Variants in NSD2 observed in about 807,000 individuals in gnomAD.
NSD2 encodes nuclear receptor binding SET domain protein 2.
NSD2 carries 12 observed loss-of-function variants against 139.0 expected under a neutral mutation model. That is an observed-to-expected ratio of 0.09 (90% CI 0.06 to 0.14). The LOEUF (loss-of-function observed/expected upper bound fraction) is 0.14, where lower values mean the gene tolerates loss of function less well. Among genes scored for constraint, NSD2 ranks in the 10% least tolerant of loss-of-function variants. The pLI is 1.00. For missense variants in NSD2, 1,155 were observed against 1,745.0 expected (o/e 0.66, Z 6.02); for synonymous variants, 669 against 648.7 (o/e 1.03, Z -0.48).
At position 1,978,936 on chromosome 4, in the gene NSD2, A is replaced by C; in HGVS notation, c.*27A>C. ...GCCAGGCGGCCGCTTGGCCGGATCCAGGGGCGGTGCAGGGCGGCCGGCCCT... is the reference window on the plus strand; with the variant it reads ...GCCAGGCGGCCGCTTGGCCGGATCCCGGGGCGGTGCAGGGCGGCCGGCCCT... On this transcript the variant is annotated 3_prime_UTR_variant, in exon 22 of 22. Coordinates refer to ENST00000508803, the MANE Select transcript of NSD2 (RefSeq NM_001042424.3). 6.8e-7 allele frequency: 1 copy of C among 1,474,002 alleles called. No homozygotes were observed. Among genetic ancestry groups the C allele is most frequent in the South Asian group, 1.4e-5 (1 of 71,796 alleles). 91.3% of individuals were successfully genotyped at this position (1,474,002 alleles called of 1,614,324 possible). A position where few individuals can be genotyped will look rare whatever the true frequency, so the allele number is the denominator to read the frequency against.
chr4:1,951,957 C>G (rs1724311025), intron 10 of NSD2, 151 bp from the exon 11 acceptor site: 2 of 1,246,634 alleles, frequency 1.6e-6, no homozygotes, highest in Non-Finnish European at 2.2e-6. Flanking sequence ...TCTGTTTGGG[C>G]CAGACGTTTG....
At chr4:1,906,402 C>T (rs940795498) in intron 3 of NSD2, among the ~76,000 whole-genome samples, 2 of 151,754 alleles carry the variant, frequency 1.3e-5, no homozygotes, top group Non-Finnish European at 2.9e-5. Context: ...CCACACCTGG[C>T]TAATTTTTGT....
intron 1 of NSD2, among the ~76,000 whole-genome samples, chr4:1,886,696 G>C (rs1375526311): frequency 6.6e-6 from 1 of 152,034 alleles, no homozygotes; most frequent in Non-Finnish European, 1.5e-5. Flanking sequence ...AAATTAGCCA[G>C]GCGTGGTGGC....
intron 6 of NSD2, among the ~76,000 whole-genome samples, chr4:1,934,327 C>T (rs1213849459): frequency 5.3e-5 from 8 of 151,488 alleles, no homozygotes; most frequent in Admixed American, 2.6e-4. Flanking sequence ...TCAGGTGATC[C>T]GCCCACCTCA....
chr4:1,963,334 A>G (rs999425034), intron 18 of NSD2, among the ~76,000 whole-genome samples: 1 of 152,206 alleles, frequency 6.6e-6, no homozygotes, highest in Non-Finnish European at 1.5e-5. Context: ...TTGGTGGCCA[A>G]CTGGAGTTGA....
At chr4:1,951,651 GC>G (rs1311851695) in intron 10 of NSD2, among the ~76,000 whole-genome samples, 1 of 152,162 alleles carries the variant, frequency 6.6e-6, no homozygotes, top group Non-Finnish European at 1.5e-5. Flanking sequence ...CAGGACCCCA[GC>G]CAGGCCACCT....
chr4:1,889,352 C>T (rs191017495), intron 1 of NSD2, among the ~76,000 whole-genome samples: 22 of 152,236 alleles, frequency 1.4e-4, no homozygotes, highest in Admixed American at 8.5e-4. Context: ...CGCTTCCACA[C>T]CCAGCTAACT....
chr4:1,946,814 C>G, intron 9 of NSD2: 1 of 1,055,372 alleles, frequency 9.5e-7, no homozygotes, highest in Non-Finnish European at 1.1e-6. Flanking sequence ...GACATTCTTA[C>G]AGCAGGGTGT....
At chr4:1,886,564 A>G (rs995483555) in intron 1 of NSD2, among the ~76,000 whole-genome samples, 2 of 152,030 alleles carry the variant, frequency 1.3e-5, no homozygotes, top group Admixed American at 6.6e-5. Context: ...GGGCGCGGTG[A>G]CTCACGCCTG....
intron 10 of NSD2, 61 bp from the exon 11 acceptor site, chr4:1,952,047 G>C: frequency 6.4e-7 from 1 of 1,569,162 alleles, no homozygotes; most frequent in Non-Finnish European, 8.7e-7. Flanking sequence ...GGCTTCCCTT[G>C]TGGTAAGAGG....
chr4:1,945,988 A>G, intron 9 of NSD2: 1 of 1,047,968 alleles, frequency 9.5e-7, no homozygotes, highest in Non-Finnish European at 1.2e-6. Flanking sequence ...TTTTGTATAC[A>G]GACCAGGTGA....
At chr4:1,952,980 C>G in intron 11 of NSD2, 1 of 1,436,580 alleles carries the variant, frequency 7.0e-7, no homozygotes, top group East Asian at 2.5e-5. Context: ...GACTGCTCCA[C>G]CACTGGCCAG....
Position 1,935,259 on chromosome 4 carries a change from G to A in NSD2, c.1671G>A (p.Arg557=). ...TCAGGACGGACAAGCACAGTCTTCG[G>A]AAGGTAATTGTGTTCCAGGTTTGCT... ...KRLRTDKHSL[R]KRDTITDKTA... The change falls in exon 7 of 22, where the codon CGG becomes CGA. Residue 557 remains arginine (R), a synonymous_variant. Coordinates refer to ENST00000508803, the MANE Select transcript of NSD2 (RefSeq NM_001042424.3). 2 of 1,611,278 alleles carry A rather than the reference G, an allele frequency of 1.2e-6. No individual in the cohort carries two copies. Among genetic ancestry groups the A allele is most frequent in the Non-Finnish European group, 1.7e-6 (2 of 1,178,292 alleles).
At chr4:1,934,129 A>G (rs1272188871) in intron 6 of NSD2, among the ~76,000 whole-genome samples, 1 of 150,654 alleles carries the variant, frequency 6.6e-6, no homozygotes. Context: ...CTTGTTGCCC[A>G]GGCTGGAGTG....
At chr4:1,946,729 T>C (rs1168877829) in intron 9 of NSD2, 1 of 1,044,596 alleles carries the variant, frequency 9.6e-7, no homozygotes, top group Non-Finnish European at 1.2e-6. Flanking sequence ...TGACTGTAAT[T>C]AGCAGGTAGA....
intron 6 of NSD2, among the ~76,000 whole-genome samples, chr4:1,934,420 G>T (rs892404034): frequency 8.6e-5 from 13 of 151,696 alleles, no homozygotes; most frequent in African/African-American, 3.1e-4. Flanking sequence ...GGGCTATCAG[G>T]AGGCAGAGGT....
At chr4:1,944,360 C>A (rs965613735) in intron 9 of NSD2, 1 of 1,065,962 alleles carries the variant, frequency 9.4e-7, no homozygotes, top group Non-Finnish European at 1.1e-6. Flanking sequence ...GCTAATTTAA[C>A]GTGGAATTCC....
intron 2 of NSD2, among the ~76,000 whole-genome samples, chr4:1,903,334 T>G (rs935101505): frequency 6.6e-6 from 1 of 152,074 alleles, no homozygotes; most frequent in Admixed American, 6.6e-5. Flanking sequence ...GGGGAGGAGT[T>G]TTTCTTTGGT....
chr4:1,872,637 C>CGAGA (rs1375337847), intron 1 of NSD2, among the ~76,000 whole-genome samples: 944 of 81,888 alleles, frequency 0.012, 26 homozygotes, highest in East Asian at 0.018. Flanking sequence ...AGAGAGAGAG[C>CGAGA]GCGCAGACCC....
Sources: allele counts gnomAD v4.1 joint callset (sites outside exome capture counted in the v4.1 genomes callset), GRCh38; gene constraint gnomAD v4.1.1; transcripts MANE v1.5; gene names NCBI Gene and HGNC (gene_info 2026-07-23, HGNC 2026-07-21).